Variants in PLCB1 observed in about 807,000 individuals in gnomAD.
PLCB1 encodes phospholipase C beta 1.
A neutral mutation model predicts 161.8 loss-of-function variants in PLCB1; 46 were observed. That is an observed-to-expected ratio of 0.28 (90% CI 0.22 to 0.36). The LOEUF is 0.36. Among genes scored for constraint, PLCB1 ranks in the 10% least tolerant of loss-of-function variants. The pLI is 1.00. For missense variants in PLCB1, 1,016 were observed against 1,472.5 expected (o/e 0.69, Z 5.07); for synonymous variants, 517 against 503.7 (o/e 1.03, Z -0.35).
intron 31 of PLCB1, among the ~76,000 whole-genome samples, chr20:8,847,321 T>C (rs1016389837): frequency 1.3e-5 from 2 of 152,166 alleles, no homozygotes; most frequent in African/African-American, 4.8e-5. Flanking sequence ...TCTTGCACCA[T>C]GAAGAATCTT....
intron 3 of PLCB1, among the ~76,000 whole-genome samples, chr20:8,460,386 C>T (rs574988167): frequency 2.6e-5 from 4 of 152,304 alleles, no homozygotes; most frequent in African/African-American, 7.2e-5. Flanking sequence ...TTAAGTGCAT[C>T]CCACTCAGAG....
intron 1 of PLCB1, among the ~76,000 whole-genome samples, chr20:8,147,597 A>G (rs188406405): frequency 6.6e-6 from 1 of 152,326 alleles, no homozygotes; most frequent in African/African-American, 2.4e-5. Flanking sequence ...GAAAATAGAC[A>G]TTCATATATT....
intron 2 of PLCB1, among the ~76,000 whole-genome samples, chr20:8,221,686 G>A (rs527468884): frequency 6.6e-6 from 1 of 152,080 alleles, no homozygotes; most frequent in South Asian, 2.1e-4. Context: ...TCTTCCTTAG[G>A]TTTAAAATCT....
chr20:8,808,502 A>T (rs1178123073), intron 31 of PLCB1, among the ~76,000 whole-genome samples: 1 of 152,188 alleles, frequency 6.6e-6, no homozygotes, highest in Non-Finnish European at 1.5e-5. Context: ...AATCACATTG[A>T]GGGTTAGGGC....
chr20:8,797,411 C>CAT (rs5840287), intron 31 of PLCB1, among the ~76,000 whole-genome samples: 151,822 of 152,058 alleles, frequency 1, 75,793 homozygotes, highest in Middle Eastern at 1. Flanking sequence ...TCTAAGATTC[C>CAT]ATATATATTT....
rs530265476 is a variant in PLCB1, at chr20:8,481,707, C to T, written c.246+110257C>T. 2.6e-5 allele frequency among the ~76,000 whole-genome samples: 4 copies of T among 152,236 alleles called. No individual in the cohort carries two copies. The East Asian group carries it at 5.8e-4, about 22-fold the overall frequency. ...TCTCCCCCAACTAGAGTTTATGTGC[C>T]TTCTCTGTCCTTCTCTGTCCTTCAC... On this transcript the variant is annotated intron_variant, in intron 3 of 31. Coordinates refer to ENST00000338037, the MANE Select transcript of PLCB1 (RefSeq NM_015192.4).
At chr20:8,467,748 G>T (rs1198564871) in intron 3 of PLCB1, among the ~76,000 whole-genome samples, 1 of 151,886 alleles carries the variant, frequency 6.6e-6, no homozygotes, top group Non-Finnish European at 1.5e-5. Context: ...CATCATCTTG[G>T]TTTTGGATTT....
intron 3 of PLCB1, among the ~76,000 whole-genome samples, chr20:8,524,287 GA>G (rs1340970972): frequency 6.6e-6 from 1 of 151,918 alleles, no homozygotes; most frequent in East Asian, 1.9e-4. Flanking sequence ...AATAAATCAT[GA>G]AAAAAATGAA....
intron 4 of PLCB1, among the ~76,000 whole-genome samples, chr20:8,631,345 A>G (rs150464877): frequency 1.4e-4 from 22 of 152,362 alleles, no homozygotes; most frequent in African/African-American, 3.8e-4. Flanking sequence ...TGCAAAATCC[A>G]TGAAAGGTGT....
At chr20:8,718,261 C>A (rs1438786719) in intron 14 of PLCB1, among the ~76,000 whole-genome samples, 4 of 152,090 alleles carry the variant, frequency 2.6e-5, no homozygotes, top group Non-Finnish European at 5.9e-5. Context: ...CTTAGAAGGA[C>A]TTTGAACATT....
At chr20:8,234,566 A>G (rs1303619353) in intron 2 of PLCB1, among the ~76,000 whole-genome samples, 1 of 152,122 alleles carries the variant, frequency 6.6e-6, no homozygotes, top group African/African-American at 2.4e-5. Context: ...TCCACGTCCT[A>G]TTAAATACTA....
At chr20:8,304,800 T>A (rs553658704) in intron 2 of PLCB1, among the ~76,000 whole-genome samples, 1 of 152,200 alleles carries the variant, frequency 6.6e-6, no homozygotes, top group Admixed American at 6.5e-5. Context: ...ACTAGGATTA[T>A]CCCATTTTAC....
At chr20:8,602,690 A>G (rs1987628679) in intron 3 of PLCB1, among the ~76,000 whole-genome samples, 1 of 152,250 alleles carries the variant, frequency 6.6e-6, no homozygotes, top group African/African-American at 2.4e-5. Flanking sequence ...TTGATGATTT[A>G]GAAAACCTGT....
chr20:8,510,687 G>A (rs539450560), intron 3 of PLCB1, among the ~76,000 whole-genome samples: 22 of 151,986 alleles, frequency 1.4e-4, no homozygotes, highest in Non-Finnish European at 2.9e-4. Flanking sequence ...CACCGTGCCC[G>A]GCAACCCTGA....
intron 3 of PLCB1, among the ~76,000 whole-genome samples, chr20:8,464,254 C>T (rs1173508015): frequency 6.6e-6 from 1 of 152,130 alleles, no homozygotes; most frequent in Non-Finnish European, 1.5e-5. Context: ...CACTAAGTCT[C>T]CAGGTATATG....
chr20:8,778,504 G>T (rs1253833047), intron 27 of PLCB1, among the ~76,000 whole-genome samples: 2 of 152,146 alleles, frequency 1.3e-5, no homozygotes, highest in Non-Finnish European at 2.9e-5. Flanking sequence ...AGCTAGGGAG[G>T]TGGTAGAAAT....
At chr20:8,829,919 A>T (rs1185304382) in intron 31 of PLCB1, among the ~76,000 whole-genome samples, 1 of 152,232 alleles carries the variant, frequency 6.6e-6, no homozygotes, top group Non-Finnish European at 1.5e-5. Flanking sequence ...CAAAGAGATG[A>T]TTCTGTCAGA....
At position 8,774,558 on chromosome 20, in the gene PLCB1, G is replaced by A. The variant is rs1196221117; in HGVS notation, c.2950G>A (p.Asp984Asn). The A allele has an allele frequency of 6.2e-7, 1 of 1,612,826 alleles. No individual in the cohort carries two copies. Among genetic ancestry groups the A allele is most frequent in the South Asian group, 1.1e-5 (1 of 90,852 alleles). The change falls in exon 27 of 32, where the codon GAT becomes AAT. Residue 984 changes from aspartate to asparagine, a missense_variant. Physicochemically the swap from Asp to Asn is conservative, Grantham distance 23. Transcript: ENST00000338037. ...TTGCAGATCGGAACCCAGCAGCCCT[G>A]ATCATGGTTCATCAACGATTGAGCA... ...SKKKSEPSSP[D>N]HGSSTIEQDL...
At chr20:8,781,895 C>G (rs1266513048) in intron 27 of PLCB1, among the ~76,000 whole-genome samples, 1 of 152,156 alleles carries the variant, frequency 6.6e-6, no homozygotes. Context: ...TCATCTCCCA[C>G]CAGGTCCCTC....
Sources: allele counts gnomAD v4.1 joint callset (sites outside exome capture counted in the v4.1 genomes callset), GRCh38; gene constraint gnomAD v4.1.1; transcripts MANE v1.5; gene names NCBI Gene and HGNC (gene_info 2026-07-23, HGNC 2026-07-21).